Variants in AFTPH observed in about 807,000 individuals in gnomAD.
AFTPH encodes aftiphilin protein.
A neutral mutation model predicts 72.5 loss-of-function variants in AFTPH; 7 were observed. The observed-to-expected ratio is 0.10, with a 90% CI of 0.05 to 0.18. The LOEUF (loss-of-function observed/expected upper bound fraction) is 0.18. Ranked by LOEUF, AFTPH falls within the 10% of genes least tolerant of loss-of-function variation. The pLI is 1.00. For missense variants in AFTPH, 979 were observed against 1,060.5 expected, an observed-to-expected ratio of 0.92 and a Z score of 1.07; for synonymous variants, 337 against 370.1, an observed-to-expected ratio of 0.91 and a Z score of 1.03.
exon 2 of AFTPH, chr2:64,552,314 T>G (rs1434870389): frequency 1.2e-6 from 2 of 1,614,106 alleles, no homozygotes. Flanking sequence ...AAGAAGTGGC[T>G]TTGGGTAGAA....
intron 1 of AFTPH, among the ~76,000 whole-genome samples, chr2:64,550,535 G>A (rs926362530): frequency 3.3e-5 from 5 of 152,110 alleles, no homozygotes; most frequent in Admixed American, 6.5e-5. Context: ...AGAATAGATC[G>A]AGGATTAGGG....
At chr2:64,553,403 A>G in exon 2 of AFTPH, 1 of 1,568,526 alleles carries the variant, frequency 6.4e-7, no homozygotes, top group Non-Finnish European at 8.6e-7. Context: ...CAGCCACTTC[A>G]GTTCAGGTAT....
intron 2 of AFTPH, 147 bp from the exon 3 acceptor site, chr2:64,567,415 G>C (rs902913258): frequency 4.2e-6 from 3 of 714,710 alleles, no homozygotes; most frequent in Non-Finnish European, 6.6e-6. Context: ...ATGAGTAGTT[G>C]TGTTCTTTTC....
chr2:64,576,088 C>T (rs1048827613), intron 6 of AFTPH, among the ~76,000 whole-genome samples: 4 of 99,752 alleles, frequency 4.0e-5, no homozygotes, highest in African/African-American at 3.4e-4. Flanking sequence ...CACACACACA[C>T]ACACACACAC....
chr2:64,584,353 C>T (rs1172709567), intron 7 of AFTPH, among the ~76,000 whole-genome samples: 1 of 151,908 alleles, frequency 6.6e-6, no homozygotes, highest in African/African-American at 2.4e-5. Flanking sequence ...TTTTTTAAAT[C>T]AATTTTTGCA....
chr2:64,592,906 G>C (rs895441263), exon 9 of AFTPH: 1 of 152,604 alleles, frequency 6.6e-6, no homozygotes, highest in Non-Finnish European at 1.5e-5. Flanking sequence ...ACATGTAGAA[G>C]AACCTCTAAC....
intron 2 of AFTPH, among the ~76,000 whole-genome samples, chr2:64,553,635 A>G (rs1264286210): frequency 6.6e-6 from 1 of 150,678 alleles, no homozygotes; most frequent in East Asian, 2.0e-4. Context: ...TATCTCAATG[A>G]GTTTCGTTAA....
chr2:64,565,331 T>C (rs1007723233), intron 2 of AFTPH, among the ~76,000 whole-genome samples: 17 of 151,186 alleles, frequency 1.1e-4, no homozygotes, highest in Non-Finnish European at 2.4e-4. Flanking sequence ...AAAAATTAGC[T>C]GGGCGCGGTG....
At chr2:64,567,626 A>G (rs1310064760) in exon 3 of AFTPH, 2 of 1,613,720 alleles carry the variant, frequency 1.2e-6, no homozygotes, top group Non-Finnish European at 8.5e-7. Flanking sequence ...CTTGTCCCTG[A>G]TGCTGAAGAG....
exon 2 of AFTPH, chr2:64,553,133 A>G (rs746097834): frequency 6.2e-6 from 10 of 1,614,210 alleles, no homozygotes; most frequent in African/African-American, 1.3e-5. Flanking sequence ...ATGGTTTTCA[A>G]GACTCTGATG....
At chr2:64,533,944 A>G (rs1034745570) in intron 1 of AFTPH, among the ~76,000 whole-genome samples, 5 of 152,258 alleles carry the variant, frequency 3.3e-5, no homozygotes, top group East Asian at 3.9e-4. Flanking sequence ...TCTAAGTGAC[A>G]TGTGATACTT....
chr2:64,579,734 A>G (rs1359607518), intron 7 of AFTPH, 188 bp downstream of exon 7: 1 of 483,122 alleles, frequency 2.1e-6, no homozygotes, highest in African/African-American at 2.0e-5. Flanking sequence ...CAACAGTATT[A>G]ATGTCCAAAT....
intron 2 of AFTPH, among the ~76,000 whole-genome samples, chr2:64,558,367 A>G (rs1671519004): frequency 6.6e-6 from 1 of 152,218 alleles, no homozygotes; most frequent in Non-Finnish European, 1.5e-5. Flanking sequence ...ACTGATATAA[A>G]CAAGAGTTAA....
At chr2:64,552,552 T>G in exon 2 of AFTPH, 2 of 1,614,082 alleles carry the variant, frequency 1.2e-6, no homozygotes, top group Non-Finnish European at 1.7e-6. Flanking sequence ...AAAACTTGAC[T>G]TACTTACTTC....
At chr2:64,576,609 T>G (rs1672818632) in intron 6 of AFTPH, among the ~76,000 whole-genome samples, 1 of 152,228 alleles carries the variant, frequency 6.6e-6, no homozygotes, top group Non-Finnish European at 1.5e-5. Context: ...TTACACTTTA[T>G]TCATTGCTGA....
intron 1 of AFTPH, among the ~76,000 whole-genome samples, chr2:64,531,061 C>CAAAAAAA (rs370897333): frequency 2.8e-5 from 2 of 71,482 alleles, no homozygotes; most frequent in Admixed American, 1.6e-4. Context: ...GACTTCATCT[C>CAAAAAAA]AAAAAAAAAA....
intron 2 of AFTPH, among the ~76,000 whole-genome samples, chr2:64,561,446 G>A (rs1370937826): frequency 6.6e-6 from 1 of 152,210 alleles, no homozygotes; most frequent in African/African-American, 2.4e-5. Flanking sequence ...GGAGGCCAAG[G>A]CAGGAGGATT....
At chr2:64,574,060 C>T (rs1024126646) in intron 6 of AFTPH, among the ~76,000 whole-genome samples, 21 of 152,082 alleles carry the variant, frequency 1.4e-4, no homozygotes, top group African/African-American at 3.1e-4. Flanking sequence ...ACTTTTTGTT[C>T]GGGTAAAATG....
chr2:64,590,208 T>C (rs1452536066), intron 8 of AFTPH, among the ~76,000 whole-genome samples: 1 of 151,804 alleles, frequency 6.6e-6, no homozygotes, highest in African/African-American at 2.4e-5. Context: ...TTCTGTTTTC[T>C]TATTAACAGT....
Sources: gnomAD v4.1 joint callset for allele counts (sites outside exome capture counted in the v4.1 genomes callset) on GRCh38, gnomAD v4.1.1 for gene constraint, MANE v1.5 for transcripts, NCBI Gene and HGNC (gene_info 2026-07-23, HGNC 2026-07-21) for gene names.